The following ZDHHC16 variants were observed in gnomAD, a reference collection of about 807,000 sequenced individuals.
The protein encoded by ZDHHC16 is zDHHC palmitoyltransferase 16, also known as palmitoyltransferase ZDHHC16.
ZDHHC16 carries 33 observed loss-of-function variants against 54.4 expected under a neutral mutation model. That is an observed-to-expected ratio of 0.61 (90% CI 0.46 to 0.81). The LOEUF (loss-of-function observed/expected upper bound fraction) is 0.81. Among genes scored for constraint, ZDHHC16 ranks in the 30% least tolerant of loss-of-function variants. The pLI is 0.00. For synonymous variants in ZDHHC16, 185 were observed against 182.1 expected, an observed-to-expected ratio of 1.02 and a Z score of -0.13; for missense variants, 420 against 485.9, an observed-to-expected ratio of 0.86 and a Z score of 1.28.
Position 97,456,905 on chromosome 10 carries a change from A to C in ZDHHC16, c.*14A>C, listed in dbSNP as rs1847325526. ...ATGGCAGTGTGAGCTGGACTGTGTCAGCCACGACTCGAGCACTCATTCTGC... is the reference window on the plus strand; with the variant it reads ...ATGGCAGTGTGAGCTGGACTGTGTCCGCCACGACTCGAGCACTCATTCTGC... On this transcript the variant is annotated 3_prime_UTR_variant, in exon 12 of 12. Transcript: ENST00000393760. 1 of 1,589,386 alleles carries C rather than the reference A, an allele frequency of 6.3e-7. No individual in the cohort carries two copies. Among genetic ancestry groups the C allele is most frequent in the Admixed American group, 1.7e-5 (1 of 57,984 alleles).
intron 1 of ZDHHC16, among the ~76,000 whole-genome samples, chr10:97,447,004 C>T (rs578152322): frequency 6.6e-6 from 1 of 152,254 alleles, no homozygotes; most frequent in South Asian, 2.1e-4. Context: ...CCACTGCCTC[C>T]GGCCTTTTCC....
Position 97,457,049 on chromosome 10 carries a change from C to T in ZDHHC16, c.*158C>T, listed in dbSNP as rs972825796. 1 of 467,202 alleles carries T rather than the reference C, an allele frequency of 2.1e-6. No homozygotes were observed. The allele number at this position is 467,202 out of a possible 1,614,324, so 28.9% of individuals were successfully genotyped here. ...ACAATTCAAGGACCAGCCTTTTTAC[C>T]ACTGCAGAAGAAAGACACAATGTGG... On this transcript the variant is annotated 3_prime_UTR_variant, in exon 12 of 12. Transcript: ENST00000393760.
chr10:97,455,352 TCTTGCTA>T (rs570511360), intron 9 of ZDHHC16, among the ~76,000 whole-genome samples: 331 of 152,258 alleles, frequency 2.2e-3, no homozygotes, highest in Middle Eastern at 0.02. Context: ...AGAGATGGAG[TCTTGCTA>T]TGTTGCCCAG....
chr10:97,454,982 CT>C (rs1333698767), intron 9 of ZDHHC16, among the ~76,000 whole-genome samples, 183 bp downstream of exon 9: 4 of 152,154 alleles, frequency 2.6e-5, no homozygotes, highest in Non-Finnish European at 5.9e-5. Flanking sequence ...ATTGGCATTG[CT>C]TATTACTAAG....
intron 11 of ZDHHC16, chr10:97,456,500 C>T (rs577366385): frequency 8.6e-5 from 28 of 324,462 alleles, no homozygotes; most frequent in South Asian, 1.4e-4. Context: ...GATGAACAGA[C>T]GTGCCTTCCC....
intron 4 of ZDHHC16, 40 bp downstream of exon 4, chr10:97,452,324 T>C: frequency 6.2e-7 from 1 of 1,613,160 alleles, no homozygotes; most frequent in African/African-American, 1.3e-5. Context: ...TTGCTGGCTA[T>C]GGGAGCTGGT....
chr10:97,453,187 G>T (rs1384875316), intron 6 of ZDHHC16, among the ~76,000 whole-genome samples: 1 of 152,212 alleles, frequency 6.6e-6, no homozygotes, highest in African/African-American at 2.4e-5. Context: ...TTCTGTGGTT[G>T]TTTACTGTGT....
At position 97,456,764 on chromosome 10, in the gene ZDHHC16, T is replaced by C. The variant is rs755589863; in HGVS notation, c.1020-13T>C. 1 of 1,583,382 alleles carries C rather than the reference T, an allele frequency of 6.3e-7. No homozygotes were observed. Among genetic ancestry groups the C allele is most frequent in the Non-Finnish European group, 8.6e-7 (1 of 1,157,712 alleles). On this transcript the variant is annotated splice_polypyrimidine_tract_variant and intron_variant, in intron 11 of 11. Transcript: ENST00000393760. ...ATTCTTGAACTCAGAGACATTTCTC[T>C]CTTCTCTTCTAGGCACTGGCTTACT... is the stretch of plus-strand genomic sequence containing the variant.
In ZDHHC16 at chr10:97,452,523, T is replaced by C. The variant is rs757865996; in HGVS notation, c.527+20T>C. The C allele has an allele frequency of 6.2e-7, 1 of 1,610,556 alleles. No homozygotes were observed. Among genetic ancestry groups the C allele is most frequent in the Non-Finnish European group, 8.5e-7 (1 of 1,178,160 alleles). On this transcript the variant is annotated intron_variant, in intron 5 of 11. Coordinates refer to ENST00000393760, the MANE Select transcript of ZDHHC16 (RefSeq NM_198046.3). Reference sequence around the variant, plus strand: ...CAACAGGTGGGTCTTGGCTTTGCTCTCTGGGAATCCCAGCTGTGGTCCTTC... The same window carrying C: ...CAACAGGTGGGTCTTGGCTTTGCTCCCTGGGAATCCCAGCTGTGGTCCTTC...
chr10:97,453,536 T>C lies in ZDHHC16; in HGVS notation c.563T>C (p.Leu188Pro). ...TTAATCATTTCCCAACCAGCCTGGCTAAACAATTGTGTGGGCCACTATAAC... is the reference window on the plus strand; with the variant it reads ...TTAATCATTTCCCAACCAGCCTGGCCAAACAATTGTGTGGGCCACTATAAC... ...VLKMDHHCPW[L>P]NNCVGHYNHR... The change falls in exon 7 of 12, where the codon CTA (leucine) becomes CCA (proline). Residue 188 changes from leucine (L) to proline (P), a missense_variant. Transcript: ENST00000393760. 1 of 1,614,142 alleles carries C rather than the reference T, an allele frequency of 6.2e-7. No individual in the cohort carries two copies. The highest frequency in any genetic ancestry group is 8.5e-7 in the Non-Finnish European group (1 of 1,180,012).
chr10:97,453,449 A>C (rs955876661), intron 6 of ZDHHC16, 81 bp from the exon 7 acceptor site: 7 of 1,551,848 alleles, frequency 4.5e-6, no homozygotes, highest in Non-Finnish European at 6.1e-6. Flanking sequence ...TGATATTGTC[A>C]GGAACCAGGG....
At position 97,452,506 on chromosome 10, in the gene ZDHHC16, G is replaced by A. The variant is rs1256571256; in HGVS notation, c.527+3G>A. The A allele has an allele frequency of 6.2e-7, 1 of 1,613,566 alleles. No individual in the cohort carries two copies. Among genetic ancestry groups the A allele is most frequent in the East Asian group, 2.2e-5 (1 of 44,884 alleles). On this transcript the variant is annotated splice_donor_region_variant and intron_variant, in intron 5 of 11. Transcript: ENST00000393760. The stretch of plus-strand genomic sequence containing the variant: ...CACCACTGCAGCATCTGCAACAGGT[G>A]GGTCTTGGCTTTGCTCTCTGGGAAT...
chr10:97,453,470 G>A (rs1846844208), intron 6 of ZDHHC16, 60 bp from the exon 7 acceptor site: 1 of 1,587,026 alleles, frequency 6.3e-7, no homozygotes, highest in African/African-American at 1.3e-5. Context: ...ATGAACCTGA[G>A]GGGCCTGGAC....
At chr10:97,452,034 T>G (rs948434342) in intron 3 of ZDHHC16, 56 bp from the exon 4 acceptor site, 5 of 1,605,842 alleles carry the variant, frequency 3.1e-6, no homozygotes, top group Admixed American at 3.3e-5. Flanking sequence ...AAACTCCGAG[T>G]CTCCTTTGGG....
chr10:97,453,239 A>G (rs1463921970), intron 6 of ZDHHC16, among the ~76,000 whole-genome samples: 1 of 152,146 alleles, frequency 6.6e-6, no homozygotes, highest in Non-Finnish European at 1.5e-5. Context: ...TGTTCCACAC[A>G]GATGTTTGGC....
chr10:97,456,101 G>A (rs932746641), intron 11 of ZDHHC16, 57 bp downstream of exon 11: 14 of 1,575,716 alleles, frequency 8.9e-6, no homozygotes, highest in African/African-American at 2.7e-5. Flanking sequence ...TGAGAAAGAT[G>A]TTCTATGCCT....
At chr10:97,448,812 T>C (rs1846335967) in intron 1 of ZDHHC16, among the ~76,000 whole-genome samples, 1 of 152,200 alleles carries the variant, frequency 6.6e-6, no homozygotes, top group Admixed American at 6.5e-5. Flanking sequence ...TTAGGTATTA[T>C]GAGTAATCTA....
chr10:97,455,936 A>C lies in ZDHHC16; in HGVS notation c.949-38A>C, dbSNP rs1439575175. The C allele has an allele frequency of 2.5e-6, 4 of 1,613,168 alleles. No homozygotes were observed. In the African/African-American group the frequency reaches 5.3e-5, roughly 22 times the overall value. On this transcript the variant is annotated intron_variant, in intron 10 of 11. Coordinates refer to ENST00000393760, the MANE Select transcript of ZDHHC16 (RefSeq NM_198046.3). ...TAGCTTAGCCAATTTAGTCTGAAAA[A>C]TTAGAAGTTCAAAGAAACATGTTTT...
At chr10:97,452,028 T>TC (rs1281638173) in intron 3 of ZDHHC16, 62 bp from the exon 4 acceptor site, 2 of 1,605,208 alleles carry the variant, frequency 1.2e-6, no homozygotes, top group African/African-American at 1.3e-5. Flanking sequence ...CCAGGGAAAC[T>TC]CCGAGTCTCC....
Sources: allele counts gnomAD v4.1 joint callset (sites outside exome capture counted in the v4.1 genomes callset), GRCh38; gene constraint gnomAD v4.1.1; transcripts MANE v1.5; gene names NCBI Gene and HGNC (gene_info 2026-07-23, HGNC 2026-07-21).